Variants in TOX observed in about 807,000 individuals in gnomAD.
The protein encoded by TOX is thymocyte selection associated high mobility group box.
In TOX, 11 loss-of-function variants were observed where a neutral mutation model predicts 53.7. The observed-to-expected ratio is 0.20, with a 90% CI of 0.13 to 0.34. The LOEUF is 0.34. Ranked by LOEUF, TOX falls within the 10% of genes least tolerant of loss-of-function variation. The probability of loss-of-function intolerance (pLI) is 1.00; values close to 1 mark genes in which losing one functional copy is unlikely to be tolerated. For synonymous variants in TOX, 225 were observed against 245.3 expected, an observed-to-expected ratio of 0.92 and a Z score of 0.77; for missense variants, 570 against 664.6, an observed-to-expected ratio of 0.86 and a Z score of 1.56.
intron 2 of TOX, among the ~76,000 whole-genome samples, chr8:58,947,928 GCCTTCAAC>G (rs1168527155): frequency 6.6e-6 from 1 of 152,206 alleles, no homozygotes; most frequent in Non-Finnish European, 1.5e-5. Flanking sequence ...GCAAGGTCAG[GCCTTCAAC>G]CTCTAAGATA....
At chr8:59,097,148 G>C (rs910732766) in intron 1 of TOX, among the ~76,000 whole-genome samples, 1 of 152,190 alleles carries the variant, frequency 6.6e-6, no homozygotes, top group Non-Finnish European at 1.5e-5. Context: ...TATCCCTGAA[G>C]TGACACCATC....
chr8:58,864,576 G>T (rs1056914434), intron 3 of TOX, among the ~76,000 whole-genome samples: 2 of 152,114 alleles, frequency 1.3e-5, no homozygotes, highest in Non-Finnish European at 2.9e-5. Flanking sequence ...GCTTTACAAC[G>T]TTCATTTCAT....
Position 58,807,425 on chromosome 8 carries a change from C to A in TOX, c.*322G>T. ...CCCATTATGAAAACCAATGGAAAATCCAGGACTTTTATCCGAGACATCTAC... is the reference window on the plus strand; with the variant it reads ...CCCATTATGAAAACCAATGGAAAATACAGGACTTTTATCCGAGACATCTAC... On this transcript the variant is annotated 3_prime_UTR_variant, in exon 9 of 9. Coordinates refer to ENST00000361421, the MANE Select transcript of TOX (RefSeq NM_014729.3). The A allele has an allele frequency of 3.8e-6, 1 of 266,666 alleles. No homozygotes were observed. The highest frequency in any genetic ancestry group is 7.2e-6 in the Non-Finnish European group (1 of 138,480). The allele number at this position is 266,666 out of a possible 1,614,324, so 16.5% of individuals were successfully genotyped here.
chr8:59,062,973 T>C (rs1393640105), intron 1 of TOX, among the ~76,000 whole-genome samples: 2 of 152,214 alleles, frequency 1.3e-5, no homozygotes, highest in African/African-American at 2.4e-5. Flanking sequence ...GAATCTTTCA[T>C]AGTGAAGAAA....
At chr8:58,926,076 T>C (rs1183541387) in intron 3 of TOX, among the ~76,000 whole-genome samples, 3 of 152,214 alleles carry the variant, frequency 2.0e-5, no homozygotes, top group Non-Finnish European at 4.4e-5. Context: ...TGAATTACCA[T>C]GAAAACCTCA....
intron 3 of TOX, among the ~76,000 whole-genome samples, chr8:58,911,322 A>C (rs1477659904): frequency 6.6e-6 from 1 of 152,188 alleles, no homozygotes; most frequent in Admixed American, 6.5e-5. Context: ...AGATACTTCA[A>C]TGGCACTACT....
At chr8:58,845,106 G>A (rs1810701094) in intron 4 of TOX, among the ~76,000 whole-genome samples, 1 of 152,112 alleles carries the variant, frequency 6.6e-6, no homozygotes, top group Non-Finnish European at 1.5e-5. Context: ...GAGAATCACT[G>A]ATATTGAAAT....
intron 2 of TOX, among the ~76,000 whole-genome samples, chr8:58,943,238 T>C (rs1812471138): frequency 6.6e-6 from 1 of 152,144 alleles, no homozygotes; most frequent in Admixed American, 6.5e-5. Context: ...GCAGGTAGGA[T>C]ATCAGGGCCC....
chr8:58,822,645 C>T (rs572078510), intron 6 of TOX, among the ~76,000 whole-genome samples: 10 of 152,318 alleles, frequency 6.6e-5, no homozygotes, highest in Admixed American at 1.3e-4. Context: ...GTGGGGGTAG[C>T]AGAGTGGGCA....
intron 1 of TOX, among the ~76,000 whole-genome samples, chr8:59,087,537 T>C (rs1804534109): frequency 3.9e-5 from 6 of 152,210 alleles, no homozygotes; most frequent in Admixed American, 3.9e-4. Context: ...CTTTACTCTG[T>C]AGCAAACTAC....
rs1804592259 is a variant in TOX, at chr8:59,090,552, C to T, written c.102+28334G>A. Among the ~76,000 whole-genome samples the T allele has an allele frequency of 1.3e-5, 2 of 152,150 alleles. 1 individual carries two copies. The highest frequency in any genetic ancestry group is 4.2e-4 in the South Asian group (2 of 4,818). On this transcript the variant is annotated intron_variant, in intron 1 of 8. Coordinates refer to ENST00000361421, the MANE Select transcript of TOX (RefSeq NM_014729.3). ...ATCATCCCCCACAGAAAAAGGAGCC[C>T]AGGATGCTGGGAAGAGTTTGATGTA...
chr8:58,860,928 C>T (rs376825697), intron 3 of TOX, among the ~76,000 whole-genome samples: 10 of 152,296 alleles, frequency 6.6e-5, no homozygotes, highest in South Asian at 2.1e-4. Context: ...ATCACAACTT[C>T]GGCCAGGAGG....
chr8:59,082,936 C>G (rs1290222952), intron 1 of TOX, among the ~76,000 whole-genome samples: 1 of 152,156 alleles, frequency 6.6e-6, no homozygotes, highest in Non-Finnish European at 1.5e-5. Flanking sequence ...TACCCCAACC[C>G]CTTCATCGTT....
In TOX at chr8:58,920,960, T is replaced by C. The variant is rs74653497; in HGVS notation, c.411+18342A>G. Among the ~76,000 whole-genome samples, 71 of 152,286 alleles carry C rather than the reference T, an allele frequency of 4.7e-4. No individual in the cohort carries two copies. The East Asian group carries it at 0.011, about 24-fold the overall frequency. On this transcript the variant is annotated intron_variant, in intron 3 of 8. Transcript: ENST00000361421. ...CTTGAGATAAGATTGTGAAGATTCC[T>C]GTAAATATGCATCTATGACTCATGG...
chr8:59,039,662 CCTAA>C (rs1373586502), intron 1 of TOX, among the ~76,000 whole-genome samples: 1 of 152,096 alleles, frequency 6.6e-6, no homozygotes, highest in Non-Finnish European at 1.5e-5. Context: ...TTATCATTAC[CCTAA>C]CTACTTCACT....
chr8:58,815,764 C>T (rs1563360819), intron 6 of TOX, 40 bp from the exon 7 acceptor site: 1 of 1,556,806 alleles, frequency 6.4e-7, no homozygotes, highest in Non-Finnish European at 8.7e-7. Context: ...GAGGCTGATA[C>T]ATGAGTGTTG....
In TOX at chr8:58,851,566, T is replaced by C; in HGVS notation, c.651A>G (p.Pro217=). The C allele has an allele frequency of 1.2e-6, 2 of 1,613,468 alleles. No homozygotes were observed. Among genetic ancestry groups the C allele is most frequent in the Non-Finnish European group, 1.7e-6 (2 of 1,179,710 alleles). The change falls in exon 4 of 9, where the codon CCA becomes CCG. Residue 217 remains proline (P), a synonymous_variant. Transcript: ENST00000361421. The surrounding 1 kb of genome is among the most constrained non-coding windows in gnomAD (Gnocchi z 4.4). ...PPGSKSATPS[P]SSSVHEDEGD... ...CTTCATCTTCATGCACTGAACTGGA[T>C]GGTGAAGGAGTTGCAGACTTGCTTC... is the stretch of plus-strand genomic sequence containing the variant.
chr8:59,076,005 C>CA (rs1171417604), intron 1 of TOX, among the ~76,000 whole-genome samples: 1,687 of 99,452 alleles, frequency 0.017, 30 homozygotes, highest in African/African-American at 0.054. Context: ...AACTCCATCT[C>CA]AAAAAAAAAA....
intron 1 of TOX, among the ~76,000 whole-genome samples, chr8:59,009,522 G>T (rs1470075440): frequency 6.6e-6 from 1 of 151,986 alleles, no homozygotes; most frequent in East Asian, 1.9e-4. Flanking sequence ...ACAGAAGTGT[G>T]CCTCCACACC....
Sources: gnomAD v4.1 joint callset for allele counts (sites outside exome capture counted in the v4.1 genomes callset) on GRCh38, gnomAD v4.1.1 for gene constraint, Gnocchi (gnomAD v3.1) non-coding constraint, MANE v1.5 for transcripts, NCBI Gene and HGNC (gene_info 2026-07-23, HGNC 2026-07-21) for gene names.